The following POLK variants were observed in gnomAD, a reference collection of about 807,000 sequenced individuals.
The protein encoded by POLK is DNA polymerase kappa.
POLK carries 76 observed loss-of-function variants against 94.0 expected under a neutral mutation model. That is an observed-to-expected ratio of 0.81 (90% CI 0.67 to 0.98). The LOEUF is 0.98. Ranked by LOEUF, POLK falls within the 50% of genes least tolerant of loss-of-function variation. POLK has a pLI of 0.00. For missense variants in POLK, 954 were observed against 1,010.1 expected (o/e 0.94, Z 0.75); for synonymous variants, 349 against 325.4 (o/e 1.07, Z -0.78).
chr5:75,542,077 C>T (rs551767838), intron 1 of POLK, among the ~76,000 whole-genome samples: 14 of 152,054 alleles, frequency 9.2e-5, no homozygotes, highest in African/African-American at 3.4e-4. Flanking sequence ...TAGAGAATAA[C>T]GAGCATTTAA....
chr5:75,595,373 T>C (rs190551669), intron 12 of POLK, among the ~76,000 whole-genome samples: 1 of 151,094 alleles, frequency 6.6e-6, no homozygotes, highest in Non-Finnish European at 1.5e-5. Flanking sequence ...TAAACTGTGG[T>C]ACATACAGAC....
exon 2 of POLK, chr5:75,547,118 T>C (rs1350134458): frequency 6.5e-7 from 1 of 1,543,878 alleles, no homozygotes; most frequent in Non-Finnish European, 8.9e-7. Context: ...AAGGATTAGA[T>C]AAAGAGAAAA....
chr5:75,554,311 T>C (rs1372624308), intron 3 of POLK, among the ~76,000 whole-genome samples: 2 of 152,100 alleles, frequency 1.3e-5, no homozygotes, highest in Non-Finnish European at 2.9e-5. Flanking sequence ...TTTATATCTA[T>C]TTATCTTGAT....
chr5:75,569,629 T>A, intron 4 of POLK, 137 bp downstream of exon 4: 1 of 686,476 alleles, frequency 1.5e-6, no homozygotes. Context: ...TATGACTCAA[T>A]TACTGAATCC....
At chr5:75,557,823 TCTGTCACCCAGGCTG>T (rs1770716329) in intron 3 of POLK, among the ~76,000 whole-genome samples, 1 of 152,214 alleles carries the variant, frequency 6.6e-6, no homozygotes, top group Non-Finnish European at 1.5e-5. Context: ...AGAGTCTCCC[TCTGTCACCCAGGCTG>T]CTGCGTAGTG....
At chr5:75,572,533 T>C (rs533113717) in intron 4 of POLK, among the ~76,000 whole-genome samples, 20 of 152,294 alleles carry the variant, frequency 1.3e-4, no homozygotes, top group African/African-American at 4.8e-4. Context: ...TCTATACAAC[T>C]TACCATACTA....
At chr5:75,571,949 C>T (rs569922573) in intron 4 of POLK, among the ~76,000 whole-genome samples, 1 of 152,168 alleles carries the variant, frequency 6.6e-6, no homozygotes, top group East Asian at 1.9e-4. Flanking sequence ...TAGTGCTATC[C>T]ACATTTTCTG....
intron 10 of POLK, among the ~76,000 whole-genome samples, chr5:75,589,388 TACACACACACACACACACACACACACAC>T (rs71600465): frequency 7.8e-6 from 1 of 128,250 alleles, no homozygotes; most frequent in South Asian, 2.6e-4. Flanking sequence ...TATACACACA[TACACACACACACACACACACACACACAC>T]ACACACACAC....
upstream of POLK, chr5:75,511,300 G>A (rs1360746955): frequency 3.2e-6 from 5 of 1,558,798 alleles, no homozygotes; most frequent in Non-Finnish European, 4.3e-6. Context: ...TCGGGGGATG[G>A]CGAAGCGAAG....
At chr5:75,528,664 AT>A (rs1473297220) in intron 1 of POLK, among the ~76,000 whole-genome samples, 1 of 150,602 alleles carries the variant, frequency 6.6e-6, no homozygotes. Flanking sequence ...AAAAAAAAAA[AT>A]TTGGGCAAGG....
At chr5:75,583,860 T>A (rs1772325792) in intron 8 of POLK, among the ~76,000 whole-genome samples, 1 of 152,116 alleles carries the variant, frequency 6.6e-6, no homozygotes, top group African/African-American at 2.4e-5. Flanking sequence ...CCCTCAGGGG[T>A]TCCAGAAAGT....
chr5:75,544,192 A>G (rs933480671), intron 1 of POLK, among the ~76,000 whole-genome samples: 5 of 152,120 alleles, frequency 3.3e-5, no homozygotes, highest in Admixed American at 1.3e-4. Flanking sequence ...TAGGCATTCA[A>G]TAATATGTCT....
upstream of POLK, chr5:75,511,224 A>G: frequency 1.2e-6 from 2 of 1,612,026 alleles, no homozygotes; most frequent in South Asian, 2.2e-5. Context: ...TCGACAACCG[A>G]GCAGGAGACC....
At chr5:75,560,349 G>C (rs954514441) in intron 3 of POLK, among the ~76,000 whole-genome samples, 1 of 151,976 alleles carries the variant, frequency 6.6e-6, no homozygotes, top group African/African-American at 2.4e-5. Flanking sequence ...GCATTACATG[G>C]GTGTCTCTTT....
At chr5:75,609,268 A>T in the POLK span, 1 of 151,950 alleles carries the variant, frequency 6.6e-6, no homozygotes, top group South Asian at 2.1e-4. Context: ...ATATTAAAAA[A>T]AAATTTTTTT....
chr5:75,586,531 T>G (rs1022689213), intron 9 of POLK, among the ~76,000 whole-genome samples: 2 of 152,162 alleles, frequency 1.3e-5, no homozygotes, highest in East Asian at 3.8e-4. Context: ...GTGATTCAGA[T>G]TCCCAATCTT....
chr5:75,512,700 T>C (rs1196600205), intron 1 of POLK: 1 of 152,256 alleles, frequency 6.6e-6, no homozygotes, highest in Non-Finnish European at 1.5e-5. Context: ...GTAGCTTCAG[T>C]AATTTCCTCT....
At chr5:75,584,720 C>A in intron 8 of POLK, 40 bp from the exon 9 acceptor site, 1 of 1,192,500 alleles carries the variant, frequency 8.4e-7, no homozygotes, top group Non-Finnish European at 1.2e-6. Flanking sequence ...TTTAGCTTCA[C>A]TTTAAAATCT....
At chr5:75,608,822 A>C in the POLK span, 19 of 152,378 alleles carry the variant, frequency 1.2e-4, no homozygotes, top group African/African-American at 4.1e-4. Context: ...TGGATGAAGA[A>C]TGGAGAAGAA....
Sources: gnomAD v4.1 joint callset for allele counts (sites outside exome capture counted in the v4.1 genomes callset) on GRCh38, gnomAD v4.1.1 for gene constraint, MANE v1.5 for transcripts, NCBI Gene and HGNC (gene_info 2026-07-23, HGNC 2026-07-21) for gene names.